The following PHF21B variants were observed in gnomAD, a reference collection of about 807,000 sequenced individuals.
PHF21B encodes PHD finger protein 21B, also known as PHD finger protein 4.
A neutral mutation model predicts 62.2 loss-of-function variants in PHF21B; 22 were observed. The observed-to-expected ratio is 0.35, with a 90% CI of 0.25 to 0.51. PHF21B has a LOEUF of 0.51. Among genes scored for constraint, PHF21B ranks in the 20% least tolerant of loss-of-function variants. The pLI is 0.97. For synonymous variants in PHF21B, 341 were observed against 314.7 expected (o/e 1.08, Z -0.88); for missense variants, 701 against 707.9 (o/e 0.99, Z 0.11).
At chr22:44,989,484 GT>G (rs2073007775) in intron 2 of PHF21B, 1 of 151,708 alleles carries the variant, frequency 6.6e-6, no homozygotes, top group Non-Finnish European at 1.5e-5. Flanking sequence ...GTTAGTTGTT[GT>G]TCATGAATGA....
intron 2 of PHF21B, among the ~76,000 whole-genome samples, chr22:44,995,804 C>A (rs1446179172): frequency 1.4e-5 from 2 of 147,660 alleles, no homozygotes; most frequent in Middle Eastern, 3.4e-3. Flanking sequence ...CCCACCTCCA[C>A]CCCCCCATCC....
intron 2 of PHF21B, among the ~76,000 whole-genome samples, chr22:44,961,842 C>T (rs2072427828): frequency 7.3e-6 from 1 of 137,750 alleles, no homozygotes; most frequent in Non-Finnish European, 1.5e-5. Context: ...GAGACTCTGT[C>T]TCAAAATAAA....
intron 6 of PHF21B, among the ~76,000 whole-genome samples, chr22:44,894,674 A>G (rs553148036): frequency 6.6e-6 from 1 of 152,306 alleles, no homozygotes; most frequent in African/African-American, 2.4e-5. Flanking sequence ...GAGGAAGGCC[A>G]GGGGCAAGGG....
At chr22:44,996,922 GCA>G (rs1046840364) in intron 2 of PHF21B, among the ~76,000 whole-genome samples, 3 of 151,860 alleles carry the variant, frequency 2.0e-5, no homozygotes, top group East Asian at 1.9e-4. Flanking sequence ...ATACACACAT[GCA>G]CACACACGCG....
intron 3 of PHF21B, among the ~76,000 whole-genome samples, chr22:44,919,300 C>T (rs2071493958): frequency 6.6e-6 from 1 of 152,238 alleles, no homozygotes; most frequent in African/African-American, 2.4e-5. Context: ...CTGCATGCGG[C>T]CCAGGATGGC....
At chr22:44,963,224 T>C (rs2072459715) in intron 2 of PHF21B, among the ~76,000 whole-genome samples, 1 of 152,132 alleles carries the variant, frequency 6.6e-6, no homozygotes, top group Non-Finnish European at 1.5e-5. Context: ...CACGCTCACA[T>C]CACTGCAGCA....
At chr22:44,927,042 T>C (rs1192521578) in intron 2 of PHF21B, among the ~76,000 whole-genome samples, 1 of 152,086 alleles carries the variant, frequency 6.6e-6, no homozygotes, top group Non-Finnish European at 1.5e-5. Context: ...TGACAACTCC[T>C]GTGCCCTTAC....
intron 5 of PHF21B, among the ~76,000 whole-genome samples, chr22:44,906,027 G>C (rs1159436547): frequency 6.6e-6 from 1 of 152,214 alleles, no homozygotes; most frequent in East Asian, 1.9e-4. Context: ...TGGTCAACTT[G>C]TCTCTTACCC....
intron 2 of PHF21B, among the ~76,000 whole-genome samples, chr22:44,957,819 G>A (rs1271470175): frequency 6.6e-6 from 1 of 151,940 alleles, no homozygotes; most frequent in African/African-American, 2.4e-5. Flanking sequence ...TGAGAAAGGC[G>A]ACGCATGAAA....
intron 2 of PHF21B, among the ~76,000 whole-genome samples, chr22:44,975,548 T>C (rs2072721659): frequency 6.6e-6 from 1 of 152,214 alleles, no homozygotes; most frequent in Admixed American, 6.5e-5. Flanking sequence ...GAGAGGGTTT[T>C]CTAAGCATTT....
intron 5 of PHF21B, 143 bp from the exon 6 acceptor site, chr22:44,896,226 C>G (rs2071055146): frequency 1.2e-6 from 1 of 837,358 alleles, no homozygotes; most frequent in Non-Finnish European, 2.0e-6. Flanking sequence ...GATGCCAAGT[C>G]AGTTTCTAAG....
At position 44,977,682 on chromosome 22, in the gene PHF21B, G is replaced by A. The variant is rs192782217; in HGVS notation, c.120+30863C>T. 9.2e-5 allele frequency among the ~76,000 whole-genome samples: 14 copies of A among 151,688 alleles called. No homozygotes were observed. In the East Asian group the frequency reaches 1.2e-3, roughly 13 times the overall value. ...CAGCCTCAACCTCCTGGGCTCAGGC[G>A]ATCTTCTCACCTCAGCCTCTAGAGT... On this transcript the variant is annotated intron_variant, in intron 2 of 12. Transcript: ENST00000313237.
intron 5 of PHF21B, among the ~76,000 whole-genome samples, chr22:44,900,191 A>T (rs1359526393): frequency 6.6e-6 from 1 of 152,144 alleles, no homozygotes; most frequent in African/African-American, 2.4e-5. Context: ...CCTCACCCAC[A>T]GTTAAATATA....
intron 2 of PHF21B, among the ~76,000 whole-genome samples, chr22:44,931,082 T>C (rs1353840859): frequency 1.3e-5 from 2 of 152,156 alleles, no homozygotes; most frequent in African/African-American, 4.8e-5. Flanking sequence ...AGAGACCAGG[T>C]CTCGCTCTGT....
At chr22:44,935,376 A>G (rs540670637) in intron 2 of PHF21B, among the ~76,000 whole-genome samples, 3 of 152,240 alleles carry the variant, frequency 2.0e-5, no homozygotes, top group East Asian at 1.9e-4. Flanking sequence ...GCACTTTGCG[A>G]GGCTGAGACG....
Position 44,916,398 on chromosome 22 carries a change from GC to G in PHF21B, c.445del (p.Ala149ProfsTer135). ...LASPLSSAGVAYAIISTSPSN... is the reference protein window; with the variant it reads ...LASPLSSAGVXYAIISTSPSN... ...GGGGGAGGTGGAGATGATGGCGTAG[GC>G]CACCCCCGCACTGCTCAGCGGAGAG... On this transcript the variant is annotated frameshift_variant, in exon 4 of 13. Coordinates refer to ENST00000313237, the MANE Select transcript of PHF21B (RefSeq NM_138415.5). LOFTEE classifies it high-confidence loss of function. 1 of 1,590,636 alleles carries G rather than the reference GC, an allele frequency of 6.3e-7. No homozygotes were observed. Among genetic ancestry groups the G allele is most frequent in the Non-Finnish European group, 8.5e-7 (1 of 1,175,420 alleles).
intron 5 of PHF21B, among the ~76,000 whole-genome samples, chr22:44,909,676 C>A (rs530871898): frequency 6.6e-6 from 1 of 152,380 alleles, no homozygotes; most frequent in Admixed American, 6.5e-5. Flanking sequence ...CTACTGCAGT[C>A]CGAAAGCCCA....
intron 2 of PHF21B, among the ~76,000 whole-genome samples, chr22:44,992,276 C>T (rs1002017426): frequency 3.3e-5 from 5 of 152,362 alleles, no homozygotes; most frequent in South Asian, 2.1e-4. Flanking sequence ...CAGAGGCTGC[C>T]GCTGCCCAGG....
chr22:44,988,973 T>C (rs2072999247), intron 2 of PHF21B: 1 of 152,158 alleles, frequency 6.6e-6, no homozygotes, highest in Non-Finnish European at 1.5e-5. Flanking sequence ...CAGCCTCTTT[T>C]ATAAGGGCAC....
Sources: gnomAD v4.1 joint callset for allele counts (sites outside exome capture counted in the v4.1 genomes callset) on GRCh38, gnomAD v4.1.1 for gene constraint, MANE v1.5 for transcripts, NCBI Gene and HGNC (gene_info 2026-07-23, HGNC 2026-07-21) for gene names.